Variants in NRXN3 observed in about 807,000 individuals in gnomAD.
NRXN3 encodes the protein neurexin 3, also known as neurexin III.
Under a neutral mutation model 137.6 loss-of-function variants are expected in NRXN3, and 32 were observed. That is an observed-to-expected ratio of 0.23 (90% confidence interval 0.18 to 0.31). The LOEUF (loss-of-function observed/expected upper bound fraction) is 0.31. Among genes scored for constraint, NRXN3 ranks in the 10% least tolerant of loss-of-function variants. The pLI, the probability that NRXN3 is intolerant of heterozygous loss-of-function variation, is 1.00. For missense variants in NRXN3, 1,574 were observed against 2,062.5 expected (o/e 0.76, Z 4.59); for synonymous variants, 798 against 784.5 (o/e 1.02, Z -0.29).
intron 4 of NRXN3, among the ~76,000 whole-genome samples, chr14:78,448,634 G>A (rs1026643048): frequency 6.6e-6 from 1 of 152,182 alleles, no homozygotes; most frequent in Admixed American, 6.5e-5. Flanking sequence ...ACCGGATGTT[G>A]TGCAATATTC....
intron 15 of NRXN3, among the ~76,000 whole-genome samples, chr14:79,225,714 G>GT (rs1230150348): frequency 6.6e-6 from 1 of 152,114 alleles, no homozygotes; most frequent in Non-Finnish European, 1.5e-5. Context: ...AAATTAAAAT[G>GT]TTTCGTAAAC....
intron 20 of NRXN3, among the ~76,000 whole-genome samples, chr14:79,844,244 C>T (rs146159979): frequency 1.4e-4 from 22 of 151,746 alleles, no homozygotes; most frequent in African/African-American, 5.3e-4. Flanking sequence ...TCTTAAACCC[C>T]TCAAAACTCT....
At chr14:79,415,154 A>ATAAT in intron 15 of NRXN3, among the ~76,000 whole-genome samples, 1 of 152,152 alleles carries the variant, frequency 6.6e-6, no homozygotes, top group East Asian at 1.9e-4. Flanking sequence ...TCAGGTTGAT[A>ATAAT]TAATGTCTTG....
intron 15 of NRXN3, among the ~76,000 whole-genome samples, chr14:79,387,656 A>C (rs2094679975): frequency 1.2e-5 from 1 of 80,122 alleles, no homozygotes; most frequent in Admixed American, 1.5e-4. Flanking sequence ...ATGCACATGT[A>C]TATTTTATTG....
chr14:79,060,785 A>C (rs1040865920), intron 15 of NRXN3, among the ~76,000 whole-genome samples: 1 of 151,166 alleles, frequency 6.6e-6, no homozygotes, highest in Non-Finnish European at 1.5e-5. Context: ...TTTTTTTCTT[A>C]TAACCTCTCT....
intron 10 of NRXN3, among the ~76,000 whole-genome samples, chr14:78,875,149 AGAAGCCAATT>A (rs1488901435): frequency 2.0e-5 from 3 of 152,228 alleles, no homozygotes; most frequent in Admixed American, 2.0e-4. Context: ...AGTTTAATTC[AGAAGCCAATT>A]GAGATATCTG....
At chr14:79,617,618 A>G (rs1288213409) in intron 16 of NRXN3, among the ~76,000 whole-genome samples, 2 of 152,104 alleles carry the variant, frequency 1.3e-5, no homozygotes, top group African/African-American at 4.8e-5. Flanking sequence ...ACGTCTTTCT[A>G]CTTTGGTTAA....
At chr14:78,564,849 A>G (rs1206628696) in intron 4 of NRXN3, among the ~76,000 whole-genome samples, 2 of 152,210 alleles carry the variant, frequency 1.3e-5, no homozygotes, top group Non-Finnish European at 2.9e-5. Flanking sequence ...GAACCCTTCC[A>G]CTAGATCTTG....
At chr14:78,707,950 T>C (rs2098370722) in intron 6 of NRXN3, among the ~76,000 whole-genome samples, 1 of 152,232 alleles carries the variant, frequency 6.6e-6, no homozygotes, top group African/African-American at 2.4e-5. Context: ...CACTTGTTGA[T>C]TGATGAACGT....
chr14:79,015,631 C>T (rs992788863), intron 15 of NRXN3, among the ~76,000 whole-genome samples: 6 of 152,102 alleles, frequency 3.9e-5, no homozygotes, highest in Admixed American at 6.6e-5. Flanking sequence ...TTCTAAGGCC[C>T]GCCTCCCAAG....
intron 15 of NRXN3, among the ~76,000 whole-genome samples, chr14:79,260,134 A>T (rs1427678045): frequency 6.6e-6 from 1 of 152,158 alleles, no homozygotes; most frequent in Non-Finnish European, 1.5e-5. Context: ...ATATGTACAA[A>T]TATGTATCTA....
intron 16 of NRXN3, among the ~76,000 whole-genome samples, chr14:79,560,418 A>G (rs2097480572): frequency 1.3e-5 from 2 of 148,378 alleles, no homozygotes. Flanking sequence ...GTAAGACAGC[A>G]CTGGGGGTGG....
chr14:79,592,863 C>A (rs2097820315), intron 16 of NRXN3, among the ~76,000 whole-genome samples: 1 of 152,152 alleles, frequency 6.6e-6, no homozygotes, highest in South Asian at 2.1e-4. Context: ...TTGAAGAATG[C>A]CTAGCCAGGT....
rs559620478 is a variant in NRXN3, at chr14:79,641,979, C to T, written c.3445-21799C>T. Among the ~76,000 whole-genome samples the T allele has an allele frequency of 2.4e-4, 33 of 135,722 alleles. 1 individual carries two copies. Among genetic ancestry groups the T allele is most frequent in the African/African-American group, 7.1e-4 (29 of 40,872 alleles). The allele number at this position is 135,722 out of a possible 152,430, so 89.0% of individuals were successfully genotyped here. ...ATGGGACAATACTGCGTGATCGTGG[C>T]GTTCACATTTCTCCCTCCAAGTCCT... is the stretch of plus-strand genomic sequence containing the variant. On this transcript the variant is annotated intron_variant, in intron 16 of 20. Transcript: ENST00000335750.
rs61978281 is a variant in NRXN3, at chr14:78,426,903, A to G, written c.757+129043A>G. On this transcript the variant is annotated intron_variant, in intron 4 of 20. Coordinates refer to ENST00000335750, the MANE Select transcript of NRXN3 (RefSeq NM_001330195.2). ...CTAGAGGAGGTTAGAGATCCTGCCC[A>G]AACCAGAGAGAGGCAGAGTTCAGAT... 6.0e-3 allele frequency among the ~76,000 whole-genome samples: 917 copies of G among 152,290 alleles called. 2 individuals carry two copies. The highest frequency in any genetic ancestry group is 0.014 in the Middle Eastern group (4 of 292).
At chr14:78,867,912 A>G (rs891028030) in intron 10 of NRXN3, among the ~76,000 whole-genome samples, 18 of 150,614 alleles carry the variant, frequency 1.2e-4, no homozygotes, top group Admixed American at 6.0e-4. Context: ...ATGCTTCTTT[A>G]TGAATGAATA....
chr14:79,386,399 G>A (rs892961364), intron 15 of NRXN3, among the ~76,000 whole-genome samples: 14 of 152,236 alleles, frequency 9.2e-5, no homozygotes, highest in African/African-American at 3.1e-4. Context: ...TACAAGGGAT[G>A]TGAAGGACCT....
At chr14:79,187,219 C>G in intron 15 of NRXN3, among the ~76,000 whole-genome samples, 1 of 152,100 alleles carries the variant, frequency 6.6e-6, no homozygotes, top group East Asian at 1.9e-4. Flanking sequence ...AGTCAGAGCC[C>G]CTCTTGAAAG....
chr14:78,180,093 C>T (rs1399961738), intron 1 of NRXN3, among the ~76,000 whole-genome samples: 2 of 152,104 alleles, frequency 1.3e-5, no homozygotes, highest in African/African-American at 4.8e-5. Flanking sequence ...GGTGATCCAC[C>T]TACCTCGGCC....
Sources: gnomAD v4.1 joint callset for allele counts (sites outside exome capture counted in the v4.1 genomes callset) on GRCh38, gnomAD v4.1.1 for gene constraint, MANE v1.5 for transcripts, NCBI Gene and HGNC (gene_info 2026-07-23, HGNC 2026-07-21) for gene names.